CNTNAP2: variants seen among roughly 807,000 people sequenced by gnomAD.
The protein encoded by CNTNAP2 is contactin-associated protein-like 2.
Under a neutral mutation model 155.2 loss-of-function variants are expected in CNTNAP2, and 98 were observed. That is an observed-to-expected ratio of 0.63 (90% CI 0.54 to 0.75). The LOEUF is 0.75. CNTNAP2 is among the 30% of genes least tolerant of loss of function. The pLI is 0.00. For missense variants in CNTNAP2, 1,727 were observed against 1,688.1 expected, an observed-to-expected ratio of 1.02 and a Z score of -0.40; for synonymous variants, 651 against 631.2, an observed-to-expected ratio of 1.03 and a Z score of -0.47.
At chr7:147,955,717 G>A (rs750334461) in intron 14 of CNTNAP2, among the ~76,000 whole-genome samples, 1 of 152,112 alleles carries the variant, frequency 6.6e-6, no homozygotes, top group African/African-American at 2.4e-5. Context: ...CAAGTGGATC[G>A]GAAATGTCTC....
chr7:146,244,834 G>A (rs1799619131), intron 1 of CNTNAP2, among the ~76,000 whole-genome samples: 1 of 152,246 alleles, frequency 6.6e-6, no homozygotes, highest in Admixed American at 6.5e-5. Context: ...TCCAGTGAAA[G>A]TGTCTACCTA....
At chr7:148,167,937 T>C (rs773298154) in intron 17 of CNTNAP2, among the ~76,000 whole-genome samples, 1 of 152,216 alleles carries the variant, frequency 6.6e-6, no homozygotes, top group Non-Finnish European at 1.5e-5. Flanking sequence ...TAAGTATCCA[T>C]GAATAGATCT....
rs147027051 is a variant in CNTNAP2, at chr7:147,584,295, A to G, written c.1897+22038A>G. 1.5e-3 allele frequency among the ~76,000 whole-genome samples: 230 copies of G among 152,280 alleles called. 1 individual carries two copies. The highest frequency in any genetic ancestry group is 5.1e-3 in the African/African-American group (213 of 41,548). ...ACAATCCATGGCCTCCTAATTATGA[A>G]ATATAACAATGCATACTTTCAAGTA... On this transcript the variant is annotated intron_variant, in intron 12 of 23. Coordinates refer to ENST00000361727, the MANE Select transcript of CNTNAP2 (RefSeq NM_014141.6).
intron 1 of CNTNAP2, among the ~76,000 whole-genome samples, chr7:146,339,505 A>G (rs183802109): frequency 6.6e-6 from 1 of 152,314 alleles, no homozygotes; most frequent in East Asian, 1.9e-4. Flanking sequence ...TGAATCTTTG[A>G]TAATAGTTAC....
At chr7:146,760,073 T>C (rs1802064577) in intron 1 of CNTNAP2, among the ~76,000 whole-genome samples, 1 of 152,182 alleles carries the variant, frequency 6.6e-6, no homozygotes, top group Non-Finnish European at 1.5e-5. Context: ...AGTTACAGAA[T>C]CTATGACTGG....
At chr7:147,073,395 A>G (rs1414789123) in intron 4 of CNTNAP2, among the ~76,000 whole-genome samples, 1 of 152,024 alleles carries the variant, frequency 6.6e-6, no homozygotes, top group Non-Finnish European at 1.5e-5. Context: ...GTAAATGTTG[A>G]ATCCGAAGTG....
At chr7:146,860,314 G>T (rs1024865155) in intron 3 of CNTNAP2, among the ~76,000 whole-genome samples, 1 of 152,106 alleles carries the variant, frequency 6.6e-6, no homozygotes, top group African/African-American at 2.4e-5. Context: ...ACACCAGGGA[G>T]GTTGCTTTCT....
chr7:146,668,082 T>A (rs887931434), intron 1 of CNTNAP2, among the ~76,000 whole-genome samples: 3 of 152,108 alleles, frequency 2.0e-5, no homozygotes, highest in Non-Finnish European at 4.4e-5. Flanking sequence ...AGCTTTTGCT[T>A]CTTTGGTGTG....
At chr7:146,948,356 T>C (rs1797235010) in intron 3 of CNTNAP2, among the ~76,000 whole-genome samples, 1 of 100,552 alleles carries the variant, frequency 9.9e-6, no homozygotes, top group African/African-American at 3.5e-5. Context: ...TGATGTAAGA[T>C]AATTTTGTGG....
intron 15 of CNTNAP2, among the ~76,000 whole-genome samples, chr7:147,998,595 G>A (rs939517546): frequency 6.6e-5 from 10 of 152,328 alleles, no homozygotes; most frequent in African/African-American, 2.4e-4. Context: ...AAGAGAATGA[G>A]TAAAGACCAT....
At chr7:146,872,710 A>G (rs1795338379) in intron 3 of CNTNAP2, among the ~76,000 whole-genome samples, 1 of 152,224 alleles carries the variant, frequency 6.6e-6, no homozygotes, top group Admixed American at 6.5e-5. Context: ...TTAGGAGATA[A>G]TAGCTAGAAG....
chr7:147,489,237 T>C (rs1798563074), intron 11 of CNTNAP2, among the ~76,000 whole-genome samples: 1 of 152,186 alleles, frequency 6.6e-6, no homozygotes, highest in Admixed American at 6.5e-5. Flanking sequence ...TATGTAGGGC[T>C]TAGAGGACTG....
In CNTNAP2 at chr7:147,869,652, T is replaced by A. The variant is rs367807405; in HGVS notation, c.2099-33913T>A. ...AGTGAAAAAATAAACTGCAGTGTCA[T>A]AACTGACTCTTGATCCGGAGGGATG... On this transcript the variant is annotated intron_variant, in intron 13 of 23. Coordinates refer to ENST00000361727, the MANE Select transcript of CNTNAP2 (RefSeq NM_014141.6). 3.2e-4 allele frequency among the ~76,000 whole-genome samples: 49 copies of A among 152,338 alleles called. 1 individual carries two copies. The highest frequency in any genetic ancestry group is 1.0e-3 in the African/African-American group (42 of 41,582).
chr7:146,532,285 A>G (rs934577139), intron 1 of CNTNAP2, among the ~76,000 whole-genome samples: 1 of 152,170 alleles, frequency 6.6e-6, no homozygotes, highest in Non-Finnish European at 1.5e-5. Flanking sequence ...ATATGCTCTC[A>G]AAATACAGGG....
intron 1 of CNTNAP2, among the ~76,000 whole-genome samples, chr7:146,741,136 G>C (rs1467920839): frequency 1.3e-5 from 2 of 152,140 alleles, no homozygotes; most frequent in African/African-American, 4.8e-5. Context: ...GGTTGGGAGA[G>C]GGGTGATGTG....
At chr7:146,414,281 C>T (rs993094819) in intron 1 of CNTNAP2, among the ~76,000 whole-genome samples, 1 of 152,154 alleles carries the variant, frequency 6.6e-6, no homozygotes, top group Non-Finnish European at 1.5e-5. Context: ...GTCAACTCTG[C>T]GATTTTGCTG....
At chr7:147,935,796 T>A (rs1800597136) in intron 14 of CNTNAP2, among the ~76,000 whole-genome samples, 1 of 152,214 alleles carries the variant, frequency 6.6e-6, no homozygotes. Flanking sequence ...CTATACTGCC[T>A]TTATTCAAAA....
chr7:148,237,438 A>C (rs1796062296), intron 20 of CNTNAP2, among the ~76,000 whole-genome samples: 1 of 152,194 alleles, frequency 6.6e-6, no homozygotes, highest in African/African-American at 2.4e-5. Flanking sequence ...GACATGGAAG[A>C]ATATTTATTA....
intron 1 of CNTNAP2, among the ~76,000 whole-genome samples, chr7:146,149,923 A>G (rs1368518953): frequency 6.6e-6 from 1 of 151,796 alleles, no homozygotes; most frequent in Admixed American, 6.6e-5. Flanking sequence ...CATGAAAAAC[A>G]AAACAAGGAA....
Sources: gnomAD v4.1 joint callset for allele counts (sites outside exome capture counted in the v4.1 genomes callset) on GRCh38, gnomAD v4.1.1 for gene constraint, MANE v1.5 for transcripts, NCBI Gene and HGNC (gene_info 2026-07-23, HGNC 2026-07-21) for gene names.